The following ZFYVE16 variants were observed in gnomAD, a reference collection of about 807,000 sequenced individuals.
ZFYVE16 encodes zinc finger FYVE domain-containing protein 16.
ZFYVE16 carries 89 observed loss-of-function variants against 138.1 expected under a neutral mutation model. That is an observed-to-expected ratio of 0.64 (90% CI 0.54 to 0.77). The LOEUF is 0.77. Among genes scored for constraint, ZFYVE16 ranks in the 30% least tolerant of loss-of-function variants. The pLI is 0.00. For synonymous variants in ZFYVE16, 596 were observed against 618.3 expected (o/e 0.96, Z 0.53); for missense variants, 1,793 against 1,786.7 (o/e 1.00, Z -0.06).
In ZFYVE16 at chr5:80,466,013, C is replaced by T. The variant is rs75378753; in HGVS notation, c.4024+6519C>T. Among the ~76,000 whole-genome samples the T allele has an allele frequency of 6.5e-3, 994 of 152,000 alleles. 13 individuals are homozygous for T. Among genetic ancestry groups the T allele is most frequent in the African/African-American group, 0.023 (967 of 41,448 alleles). ...TGATCCTGACTTACTGCAACCTCCA[C>T]CTCCTGGGTTCAAGAGATTCTCTTG... On this transcript the variant is annotated intron_variant, in intron 15 of 18. Transcript: ENST00000505560.
chr5:80,425,982 A>C (rs1044930504), intron 1 of ZFYVE16, among the ~76,000 whole-genome samples: 3 of 152,204 alleles, frequency 2.0e-5, no homozygotes, highest in Non-Finnish European at 4.4e-5. Context: ...ATTAACTGGA[A>C]TTCTTATCTA....
intron 6 of ZFYVE16, among the ~76,000 whole-genome samples, chr5:80,444,071 C>A (rs979905005): frequency 6.6e-6 from 1 of 152,134 alleles, no homozygotes; most frequent in African/African-American, 2.4e-5. Flanking sequence ...GGGTAAGGCA[C>A]ATGTAGGTCT....
Position 80,438,664 on chromosome 5 carries a change from G to A in ZFYVE16, c.1979G>A (p.Arg660Lys), listed in dbSNP as rs1750289126. Residue 660 changes from arginine (R) to lysine (K), a missense_variant, in exon 4 of 19, where the codon AGG (arginine) becomes AAG (lysine). Physicochemically the swap from Arg to Lys is conservative, Grantham distance 26. Transcript: ENST00000505560. ...TTGTTTAGCCTTCCATCAAGAACAA[G>A]GAGTTCAAAGGACCTGAATAAGCCA... ...KQLFSLPSRT[R>K]SSKDLNKPDV... 1 of 1,614,054 alleles carries A rather than the reference G, an allele frequency of 6.2e-7. No individual in the cohort carries two copies. Among genetic ancestry groups the A allele is most frequent in the African/African-American group, 1.3e-5 (1 of 75,030 alleles).
chr5:80,413,483 AAAG>A (rs1319005982), intron 1 of ZFYVE16, among the ~76,000 whole-genome samples: 1 of 142,356 alleles, frequency 7.0e-6, no homozygotes, highest in African/African-American at 3.0e-5. Context: ...AAAAAAAAAA[AAAG>A]AAAAAAAAAA....
At chr5:80,416,260 T>TGA (rs1204776660) in intron 1 of ZFYVE16, among the ~76,000 whole-genome samples, 13 of 142,686 alleles carry the variant, frequency 9.1e-5, no homozygotes, top group African/African-American at 3.4e-4. Context: ...TTTTTTTTTT[T>TGA]TTTTTTTTTT....
chr5:80,450,310 A>G (rs763659436), intron 9 of ZFYVE16, 121 bp from the exon 10 acceptor site: 5 of 930,526 alleles, frequency 5.4e-6, no homozygotes, highest in East Asian at 2.7e-5. Context: ...TAAGGTTTTC[A>G]TAAGGAGAAC....
intron 1 of ZFYVE16, among the ~76,000 whole-genome samples, chr5:80,417,100 C>T (rs1288813282): frequency 6.6e-6 from 1 of 152,300 alleles, no homozygotes; most frequent in East Asian, 1.9e-4. Flanking sequence ...TTGGCTTCCA[C>T]GATCAGTCGT....
At chr5:80,442,372 T>G (rs1420936945) in intron 5 of ZFYVE16, among the ~76,000 whole-genome samples, 1 of 152,160 alleles carries the variant, frequency 6.6e-6, no homozygotes, top group East Asian at 1.9e-4. Flanking sequence ...CCTCCCAAAG[T>G]GTTGGGATTA....
intron 11 of ZFYVE16, chr5:80,455,392 G>C: frequency 3.6e-6 from 1 of 276,900 alleles, no homozygotes; most frequent in South Asian, 3.9e-5. Flanking sequence ...AAATTAGCCA[G>C]GTGTTGTGGC....
chr5:80,440,534 G>A lies in ZFYVE16; in HGVS notation c.2419+502G>A, dbSNP rs925009474. The A allele has an allele frequency of 4.1e-6, 4 of 984,846 alleles. No homozygotes were observed. The African/African-American group carries it at 7.0e-5, about 17-fold the overall frequency. 61.0% of individuals were successfully genotyped at this position (984,846 alleles called of 1,614,324 possible). On this transcript the variant is annotated intron_variant, in intron 5 of 18. Coordinates refer to ENST00000505560, the MANE Select transcript of ZFYVE16 (RefSeq NM_001284236.3). ...ACTGCCACACTATTTGCACATTTTT[G>A]TCTCATGTTTTTTTCTTTTCTCAAC...
chr5:80,426,204 GTGT>G (rs1561245530), intron 1 of ZFYVE16, among the ~76,000 whole-genome samples: 123 of 17,994 alleles, frequency 6.8e-3, no homozygotes, highest in East Asian at 0.037. Context: ...TGTGTGTGGT[GTGT>G]GTGTGTGTGT....
intron 5 of ZFYVE16, chr5:80,441,079 T>C: frequency 1.0e-6 from 1 of 985,410 alleles, no homozygotes; most frequent in Non-Finnish European, 1.2e-6. Flanking sequence ...TATAGTTGTT[T>C]TGTTTTTTCT....
chr5:80,443,317 A>G (rs2112413470), intron 6 of ZFYVE16, 33 bp downstream of exon 6: 1 of 1,583,162 alleles, frequency 6.3e-7, no homozygotes, highest in Non-Finnish European at 8.5e-7. Context: ...TAGACTAAAG[A>G]TAAATTATTG....
chr5:80,442,825 A>T (rs1750866398), intron 5 of ZFYVE16, among the ~76,000 whole-genome samples: 1 of 152,238 alleles, frequency 6.6e-6, no homozygotes, highest in African/African-American at 2.4e-5. Flanking sequence ...CTCTAGGGGT[A>T]CAAGGGCAAA....
chr5:80,429,737 A>C (rs1424080320), intron 2 of ZFYVE16, among the ~76,000 whole-genome samples: 1 of 152,212 alleles, frequency 6.6e-6, no homozygotes, highest in African/African-American at 2.4e-5. Flanking sequence ...CATAGGCTCA[A>C]AATAAAGGGA....
At chr5:80,447,944 T>C (rs1345826246) in intron 7 of ZFYVE16, 82 bp from the exon 8 acceptor site, 49 of 1,209,918 alleles carry the variant, frequency 4.0e-5, no homozygotes, top group East Asian at 5.4e-5. Context: ...TAAAAAGATA[T>C]GTTTGGCTAT....
intron 1 of ZFYVE16, among the ~76,000 whole-genome samples, chr5:80,421,164 T>G (rs1240811645): frequency 6.6e-6 from 1 of 152,214 alleles, no homozygotes; most frequent in East Asian, 1.9e-4. Context: ...TCTTGTAAAT[T>G]TGTTTGAGTT....
chr5:80,477,083 A>AT, intron 18 of ZFYVE16, 136 bp from the exon 19 acceptor site: 1 of 713,102 alleles, frequency 1.4e-6, no homozygotes, highest in Non-Finnish European at 2.1e-6. Context: ...AGAATGTAGA[A>AT]TTTTTTTATA....
intron 15 of ZFYVE16, among the ~76,000 whole-genome samples, chr5:80,469,564 C>T (rs1243686517): frequency 6.6e-6 from 1 of 151,868 alleles, no homozygotes; most frequent in East Asian, 1.9e-4. Flanking sequence ...TTTGAGATAC[C>T]ATCTTCATCT....
Sources: gnomAD v4.1 joint callset for allele counts (sites outside exome capture counted in the v4.1 genomes callset) on GRCh38, gnomAD v4.1.1 for gene constraint, MANE v1.5 for transcripts, NCBI Gene and HGNC (gene_info 2026-07-23, HGNC 2026-07-21) for gene names.